PCSK5: variants seen among roughly 807,000 people sequenced by gnomAD.
PCSK5 encodes the protein prohormone convertase 5.
In PCSK5, 129 loss-of-function variants were observed where a neutral mutation model predicts 233.2. That is an observed-to-expected ratio of 0.55 (90% CI 0.48 to 0.64). The LOEUF (loss-of-function observed/expected upper bound fraction) is 0.64, where lower values mean the gene tolerates loss of function less well. Among genes scored for constraint, PCSK5 ranks in the 30% least tolerant of loss-of-function variants. The probability of loss-of-function intolerance (pLI) is 0.00; values close to 1 mark genes in which losing one functional copy is unlikely to be tolerated. For synonymous variants in PCSK5, 825 were observed against 879.2 expected, an observed-to-expected ratio of 0.94 and a Z score of 1.09; for missense variants, 2,076 against 2,430.1, an observed-to-expected ratio of 0.85 and a Z score of 3.06.
At chr9:76,231,129 C>G (rs1386860511) in intron 21 of PCSK5, among the ~76,000 whole-genome samples, 1 of 152,052 alleles carries the variant, frequency 6.6e-6, no homozygotes, top group Admixed American at 6.6e-5. Flanking sequence ...GGGAAGGTCT[C>G]AGGAATCTTA....
At chr9:75,906,841 C>T (rs1226679679) in intron 1 of PCSK5, among the ~76,000 whole-genome samples, 3 of 152,182 alleles carry the variant, frequency 2.0e-5, no homozygotes, top group Non-Finnish European at 4.4e-5. Context: ...ATCATTTCTC[C>T]TACTCATTCC....
At chr9:76,124,745 C>CAAAAAAAAAAAAAAAAAAA (rs58659276) in intron 9 of PCSK5, among the ~76,000 whole-genome samples, 1 of 92,146 alleles carries the variant, frequency 1.1e-5, no homozygotes. Flanking sequence ...GACTCCATCT[C>CAAAAAAAAAAAAAAAAAAA]AAAAAAAAAA....
intron 22 of PCSK5, among the ~76,000 whole-genome samples, chr9:76,234,362 T>C (rs1046052267): frequency 1.3e-5 from 2 of 152,194 alleles, no homozygotes; most frequent in African/African-American, 4.8e-5. Context: ...GAGGCTGCTC[T>C]CCATCTCTCC....
At chr9:76,314,144 C>T (rs1206070677) in intron 30 of PCSK5, among the ~76,000 whole-genome samples, 1 of 152,200 alleles carries the variant, frequency 6.6e-6, no homozygotes, top group East Asian at 1.9e-4. Context: ...TTTTGCTTTA[C>T]TCAAGTTAGT....
At chr9:76,252,587 C>T (rs1418984627) in intron 24 of PCSK5, among the ~76,000 whole-genome samples, 4 of 152,166 alleles carry the variant, frequency 2.6e-5, no homozygotes, top group African/African-American at 7.2e-5. Context: ...TTCAGTTAGC[C>T]GTGGCATCCT....
intron 2 of PCSK5, among the ~76,000 whole-genome samples, chr9:75,945,690 T>C (rs892614727): frequency 4.6e-5 from 7 of 152,198 alleles, no homozygotes; most frequent in Non-Finnish European, 1.0e-4. Flanking sequence ...CTAGCCTCTT[T>C]CTACCTCTCT....
At chr9:76,271,279 G>C (rs541113304) in intron 24 of PCSK5, among the ~76,000 whole-genome samples, 3 of 152,252 alleles carry the variant, frequency 2.0e-5, no homozygotes, top group Admixed American at 2.0e-4. Flanking sequence ...ATATGAATTA[G>C]ATCTCTGAAC....
At chr9:76,318,450 C>T (rs576136171) in intron 30 of PCSK5, among the ~76,000 whole-genome samples, 4 of 150,570 alleles carry the variant, frequency 2.7e-5, no homozygotes, top group Admixed American at 6.6e-5. Flanking sequence ...GCACATGTAC[C>T]GCAGAATTTA....
intron 24 of PCSK5, among the ~76,000 whole-genome samples, chr9:76,289,745 T>C (rs1194977774): frequency 6.6e-6 from 1 of 152,158 alleles, no homozygotes; most frequent in Admixed American, 6.5e-5. Context: ...AAACAATTTT[T>C]TAAATAATTC....
At chr9:76,064,633 A>T (rs994105004) in intron 5 of PCSK5, among the ~76,000 whole-genome samples, 3 of 143,276 alleles carry the variant, frequency 2.1e-5, no homozygotes, top group Admixed American at 2.1e-4. Context: ...TGCCAGGCGG[A>T]GGGGCTCCTC....
chr9:76,054,791 T>C (rs1018404077), intron 5 of PCSK5, among the ~76,000 whole-genome samples: 4 of 152,222 alleles, frequency 2.6e-5, no homozygotes, highest in Non-Finnish European at 5.9e-5. Context: ...GTAACTGACA[T>C]TGATACATTT....
chr9:76,151,103 T>C (rs1823656479), intron 10 of PCSK5, among the ~76,000 whole-genome samples: 1 of 152,022 alleles, frequency 6.6e-6, no homozygotes, highest in Admixed American at 6.6e-5. Flanking sequence ...TTTCATGCTC[T>C]CCTCCTGTCC....
chr9:76,168,747 T>G (rs1001696933), intron 12 of PCSK5, among the ~76,000 whole-genome samples: 1 of 152,116 alleles, frequency 6.6e-6, no homozygotes, highest in African/African-American at 2.4e-5. Context: ...GTAAATTCAG[T>G]TTTTTATGTG....
chr9:75,930,783 C>T (rs1285027310), intron 1 of PCSK5, among the ~76,000 whole-genome samples: 2 of 152,184 alleles, frequency 1.3e-5, no homozygotes, highest in African/African-American at 2.4e-5. Flanking sequence ...GAGATGACAA[C>T]TCTAAGCTTC....
intron 20 of PCSK5, among the ~76,000 whole-genome samples, chr9:76,191,125 A>G (rs979644583): frequency 3.3e-5 from 5 of 152,226 alleles, no homozygotes; most frequent in Non-Finnish European, 7.3e-5. Context: ...TGCAGATATT[A>G]CATGCCAATG....
At chr9:76,292,836 G>A (rs1374997465) in intron 25 of PCSK5, among the ~76,000 whole-genome samples, 2 of 152,166 alleles carry the variant, frequency 1.3e-5, no homozygotes, top group African/African-American at 4.8e-5. Flanking sequence ...AGCACACACT[G>A]TTGACCGTCC....
At chr9:76,202,604 A>C (rs189801936) in intron 20 of PCSK5, among the ~76,000 whole-genome samples, 339 of 152,180 alleles carry the variant, frequency 2.2e-3, no homozygotes, top group African/African-American at 7.8e-3. Context: ...TGATTCTTCC[A>C]TTCTGCCCTG....
At chr9:76,255,654 C>T (rs1304654857) in intron 24 of PCSK5, among the ~76,000 whole-genome samples, 1 of 152,100 alleles carries the variant, frequency 6.6e-6, no homozygotes, top group East Asian at 1.9e-4. Flanking sequence ...CACATCAAGG[C>T]CCCATTTCTA....
intron 24 of PCSK5, among the ~76,000 whole-genome samples, chr9:76,272,577 A>G (rs144249528): frequency 0.055 from 8,315 of 151,738 alleles, 674 homozygotes; most frequent in African/African-American, 0.18. Context: ...GATTGAGACC[A>G]TCCTGGCCAA....
Sources: allele counts gnomAD v4.1 joint callset (sites outside exome capture counted in the v4.1 genomes callset), GRCh38; gene constraint gnomAD v4.1.1; transcripts MANE v1.5; gene names NCBI Gene and HGNC (gene_info 2026-07-23, HGNC 2026-07-21).